PFDN1: variants seen among roughly 807,000 people sequenced by gnomAD.
PFDN1 encodes the protein prefoldin 1.
A neutral mutation model predicts 17.3 loss-of-function variants in PFDN1; 6 were observed. The ratio of observed to expected loss-of-function variants is 0.35; its 90% CI spans 0.19 to 0.69. The LOEUF is 0.69. PFDN1 is among the 30% of genes least tolerant of loss of function. The pLI, the probability that PFDN1 is intolerant of heterozygous loss-of-function variation, is 0.65. For missense variants in PFDN1, 113 were observed against 146.2 expected, an observed-to-expected ratio of 0.77 and a Z score of 1.17; for synonymous variants, 58 against 50.1, an observed-to-expected ratio of 1.16 and a Z score of -0.67.
At chr5:140,301,630 C>T (rs1346547555) in intron 1 of PFDN1, among the ~76,000 whole-genome samples, 5 of 152,066 alleles carry the variant, frequency 3.3e-5, no homozygotes, top group African/African-American at 9.7e-5. Context: ...AAGATAAAAC[C>T]TTTAAACAAG....
intron 3 of PFDN1, among the ~76,000 whole-genome samples, chr5:140,246,929 A>T (rs1048987582): frequency 6.6e-6 from 1 of 152,132 alleles, no homozygotes; most frequent in African/African-American, 2.4e-5. Context: ...AATACTCAAA[A>T]TTATCACCTC....
chr5:140,286,776 T>G (rs1462350752), intron 2 of PFDN1, among the ~76,000 whole-genome samples: 1 of 151,962 alleles, frequency 6.6e-6, no homozygotes, highest in Non-Finnish European at 1.5e-5. Context: ...CAGTTAATTT[T>G]TGTATTTTAG....
At position 140,303,028 on chromosome 5, in the gene PFDN1, G is replaced by C. The variant is rs1765771610; in HGVS notation, c.33+13C>G. Reference sequence around the variant, plus strand: ...AAAAAGAAGACCTCCGCCTGCCAAAGACCCTCTTTTACCTTCTTCAGCTCT... The same window carrying C: ...AAAAAGAAGACCTCCGCCTGCCAAACACCCTCTTTTACCTTCTTCAGCTCT... On this transcript the variant is annotated intron_variant, in intron 1 of 3. Transcript: ENST00000261813. 2 of 1,599,706 alleles carry C rather than the reference G, an allele frequency of 1.3e-6. No homozygotes were observed. Among genetic ancestry groups the C allele is most frequent in the African/African-American group, 1.3e-5 (1 of 74,592 alleles).
chr5:140,246,175 A>C, intron 3 of PFDN1, 118 bp from the exon 4 acceptor site: 3 of 696,524 alleles, frequency 4.3e-6, no homozygotes, highest in Non-Finnish European at 7.8e-6. Context: ...TTTCAGGAGT[A>C]TACTGCAAGC....
At chr5:140,286,862 C>T (rs977518982) in intron 2 of PFDN1, among the ~76,000 whole-genome samples, 3 of 152,080 alleles carry the variant, frequency 2.0e-5, no homozygotes, top group Non-Finnish European at 4.4e-5. Flanking sequence ...GCCTCAGCCT[C>T]CCAAAGAGCT....
chr5:140,294,736 T>G (rs887061724), intron 2 of PFDN1, among the ~76,000 whole-genome samples: 2 of 152,084 alleles, frequency 1.3e-5, no homozygotes, highest in Admixed American at 1.3e-4. Flanking sequence ...CACCTACTGT[T>G]TCACTTTCTA....
chr5:140,281,179 T>G (rs1581093274), intron 3 of PFDN1: 1 of 277,024 alleles, frequency 3.6e-6, no homozygotes, highest in East Asian at 8.3e-5. Context: ...ATAAACACAT[T>G]CAAGGGCAAT....
rs548614769 is a variant in PFDN1, at chr5:140,277,939, T to C, written c.285+3510A>G. Among the ~76,000 whole-genome samples, 7 of 152,042 alleles carry C rather than the reference T, an allele frequency of 4.6e-5. No homozygotes were observed. The East Asian group carries it at 1.4e-3, about 29-fold the overall frequency. On this transcript the variant is annotated intron_variant, in intron 3 of 3. Transcript: ENST00000261813. ...AAAAGAGCTGACAGGTCAGGTGCTG[T>C]GGCTCACACCTGTAATCCCAGCACT...
At chr5:140,298,963 C>G (rs1434500567) in intron 2 of PFDN1, among the ~76,000 whole-genome samples, 1 of 152,084 alleles carries the variant, frequency 6.6e-6, no homozygotes, top group Non-Finnish European at 1.5e-5. Flanking sequence ...GTTGGCCAGG[C>G]TGGTCTCAAA....
intron 2 of PFDN1, among the ~76,000 whole-genome samples, chr5:140,286,715 C>T (rs1361240139): frequency 6.7e-6 from 1 of 148,970 alleles, no homozygotes; most frequent in Non-Finnish European, 1.5e-5. Context: ...AAGCAATTCT[C>T]GTGCCTCAGC....
intron 2 of PFDN1, among the ~76,000 whole-genome samples, chr5:140,290,802 A>G (rs914074177): frequency 6.6e-6 from 1 of 152,198 alleles, no homozygotes; most frequent in African/African-American, 2.4e-5. Flanking sequence ...TTTATTCTAT[A>G]TAAGTTATAA....
intron 2 of PFDN1, among the ~76,000 whole-genome samples, chr5:140,284,536 A>T (rs1189770486): frequency 1.3e-5 from 2 of 152,250 alleles, no homozygotes; most frequent in Non-Finnish European, 2.9e-5. Context: ...TTATCATGAT[A>T]ATATAAGTCT....
intron 3 of PFDN1, among the ~76,000 whole-genome samples, chr5:140,275,857 C>A (rs981159190): frequency 2.0e-5 from 3 of 152,228 alleles, no homozygotes; most frequent in Middle Eastern, 3.4e-3. Flanking sequence ...AACAAGTTAA[C>A]AGCTTTTATC....
At chr5:140,250,249 T>C (rs1764893871) in intron 3 of PFDN1, among the ~76,000 whole-genome samples, 1 of 152,096 alleles carries the variant, frequency 6.6e-6, no homozygotes, top group Non-Finnish European at 1.5e-5. Context: ...CGACCTCACC[T>C]CCAACAACTC....
intron 3 of PFDN1, among the ~76,000 whole-genome samples, chr5:140,251,117 G>A (rs1764907098): frequency 6.6e-6 from 1 of 151,940 alleles, no homozygotes; most frequent in African/African-American, 2.4e-5. Context: ...TCTATCTTTA[G>A]TAGAGACGGG....
chr5:140,261,693 C>T (rs1765068011), intron 3 of PFDN1, among the ~76,000 whole-genome samples: 3 of 152,182 alleles, frequency 2.0e-5, no homozygotes, highest in African/African-American at 4.8e-5. Context: ...AAAACCTTGG[C>T]TGTCTTTTCA....
chr5:140,271,026 AT>A (rs1405934603), intron 3 of PFDN1, among the ~76,000 whole-genome samples: 4 of 152,200 alleles, frequency 2.6e-5, no homozygotes, highest in Admixed American at 2.6e-4. Context: ...GATGCTTTAT[AT>A]TTGGGCAAAT....
At chr5:140,277,974 T>G (rs1417780370) in intron 3 of PFDN1, among the ~76,000 whole-genome samples, 1 of 148,940 alleles carries the variant, frequency 6.7e-6, no homozygotes, top group Non-Finnish European at 1.5e-5. Flanking sequence ...TTTGGGAGGC[T>G]GAGGTGGGGA....
chr5:140,277,358 G>C (rs191684091), intron 3 of PFDN1, among the ~76,000 whole-genome samples: 1 of 152,106 alleles, frequency 6.6e-6, no homozygotes, highest in Admixed American at 6.5e-5. Flanking sequence ...AACTGAACGA[G>C]AGAAGGCTGG....
Sources: allele counts gnomAD v4.1 joint callset (sites outside exome capture counted in the v4.1 genomes callset), GRCh38; gene constraint gnomAD v4.1.1; transcripts MANE v1.5; gene names NCBI Gene and HGNC (gene_info 2026-07-23, HGNC 2026-07-21).